GPC4: variants seen among roughly 807,000 people sequenced by gnomAD.
The protein encoded by GPC4 is glypican-4.
Under a neutral mutation model 35.0 loss-of-function variants are expected in GPC4, and 10 were observed. That is an observed-to-expected ratio of 0.29 (90% CI 0.18 to 0.48). The LOEUF (loss-of-function observed/expected upper bound fraction) is 0.48, where lower values mean the gene tolerates loss of function less well. Ranked by LOEUF, GPC4 falls within the 20% of genes least tolerant of loss-of-function variation. The pLI, the probability that GPC4 is intolerant of heterozygous loss-of-function variation, is 0.99. For synonymous variants in GPC4, 167 were observed against 170.2 expected, an observed-to-expected ratio of 0.98 and a Z score of 0.15; for missense variants, 322 against 451.3, an observed-to-expected ratio of 0.71 and a Z score of 2.60.
At chrX:133,369,674 A>G (rs2068604321) in intron 1 of GPC4, among the ~76,000 whole-genome samples, 1 of 112,071 alleles carries the variant, frequency 8.9e-6, no homozygotes, top group African/African-American at 3.2e-5. Flanking sequence ...AGGATTCTTG[A>G]AAAGTAAGTA....
intron 1 of GPC4, among the ~76,000 whole-genome samples, chrX:133,344,169 T>TTA (rs1569347199): frequency 2.0e-5 from 2 of 102,478 alleles, no homozygotes; most frequent in Non-Finnish European, 4.0e-5. Flanking sequence ...CTTTCTTTCT[T>TTA]TATTTTCTTT....
At chrX:133,414,410 G>A (rs1246215310) in intron 1 of GPC4, 8 of 706,101 alleles carry the variant, frequency 1.1e-5, no homozygotes, top group Non-Finnish European at 1.2e-5. Context: ...ACAAAGCGGG[G>A]CGTCCTATAA....
At chrX:133,393,147 C>T (rs1239031170) in intron 1 of GPC4, among the ~76,000 whole-genome samples, 1 of 112,156 alleles carries the variant, frequency 8.9e-6, no homozygotes, top group Non-Finnish European at 1.9e-5. Flanking sequence ...TTATTACGAG[C>T]TCCTCCTTTT....
chrX:133,377,426 T>C (rs12008330), intron 1 of GPC4, among the ~76,000 whole-genome samples: 1,578 of 112,130 alleles, frequency 0.014, 35 homozygotes, highest in African/African-American at 0.049. Flanking sequence ...TCCCATTACA[T>C]TGTCCTATAG....
chrX:133,324,134 G>C lies in GPC4; in HGVS notation c.711+11C>G. ...AACAAAAACAAAACAGAGAAGACAA[G>C]GAGTACTTACCACGGAGACCTTGCT... On this transcript the variant is annotated intron_variant, in intron 3 of 8. Coordinates refer to ENST00000370828, the MANE Select transcript of GPC4 (RefSeq NM_001448.3). The C allele has an allele frequency of 8.5e-7, 1 of 1,177,873 alleles. No homozygotes were observed. Among genetic ancestry groups the C allele is most frequent in the Non-Finnish European group, 1.1e-6 (1 of 880,210 alleles).
intron 3 of GPC4, among the ~76,000 whole-genome samples, chrX:133,321,494 C>A (rs987352238): frequency 8.9e-6 from 1 of 112,346 alleles, no homozygotes; most frequent in Non-Finnish European, 1.9e-5. Flanking sequence ...AAAGAAAGTA[C>A]TTTTCAAACT....
At position 133,324,550 on chromosome X, in the gene GPC4, CAAAA is replaced by C. The variant is rs57898529; in HGVS notation, c.320-18_320-15del. The C allele has an allele frequency of 8.3e-3, 6,450 of 775,206 alleles. No individual in the cohort carries two copies. Among genetic ancestry groups the C allele is most frequent in the South Asian group, 0.011 (191 of 17,345 alleles). The allele number at this position is 775,206 out of a possible 1,213,427, so 63.9% of individuals were successfully genotyped here. On this transcript the variant is annotated splice_polypyrimidine_tract_variant and intron_variant, in intron 2 of 8. Transcript: ENST00000370828. ...CTTTGAAGAATTCTGAAACCAACAC[CAAAA>C]AAAAAAAAAAAAAAAGGAAAAACGA...
intron 1 of GPC4, among the ~76,000 whole-genome samples, chrX:133,402,187 A>G (rs1052172480): frequency 2.7e-5 from 3 of 112,266 alleles, no homozygotes; most frequent in African/African-American, 9.7e-5. Context: ...TGCAGTTTGC[A>G]AGGACACAGT....
chrX:133,415,117 G>C lies in GPC4; in HGVS notation c.-152C>G. On this transcript the variant is annotated 5_prime_UTR_variant, in exon 1 of 9. Transcript: ENST00000370828. Reference sequence around the variant, plus strand: ...TGGTGGAAGAGGCGAGCAGGCGGAGGAGACGCGGGGCGAAAAGTAGAGCTG... The same window carrying C: ...TGGTGGAAGAGGCGAGCAGGCGGAGCAGACGCGGGGCGAAAAGTAGAGCTG... 1.9e-6 allele frequency: 1 copy of C among 538,973 alleles called. No homozygotes were observed. Among genetic ancestry groups the C allele is most frequent in the East Asian group, 3.7e-5 (1 of 26,907 alleles). The allele number at this position is 538,973 out of a possible 1,213,427, so 44.4% of individuals were successfully genotyped here. A position where few individuals can be genotyped will look rare whatever the true frequency, so the allele number is the denominator to read the frequency against.
chrX:133,351,620 C>G (rs1406215540), intron 1 of GPC4, among the ~76,000 whole-genome samples: 1 of 111,303 alleles, frequency 9.0e-6, no homozygotes, highest in African/African-American at 3.3e-5. Flanking sequence ...TGGGACTTAT[C>G]CTAGTGGCTT....
intron 1 of GPC4, among the ~76,000 whole-genome samples, chrX:133,403,785 T>A (rs1249364601): frequency 1.8e-5 from 2 of 108,414 alleles, no homozygotes; most frequent in Non-Finnish European, 3.8e-5. Context: ...AATCTCTGCC[T>A]CCCAAGTTCA....
chrX:133,314,850 C>G (rs2068329957), intron 3 of GPC4, among the ~76,000 whole-genome samples: 1 of 110,946 alleles, frequency 9.0e-6, no homozygotes, highest in South Asian at 3.9e-4. Flanking sequence ...AAGTCTCATC[C>G]CCCTAGAAGA....
At chrX:133,403,506 G>A (rs1358073093) in intron 1 of GPC4, among the ~76,000 whole-genome samples, 1 of 111,508 alleles carries the variant, frequency 9.0e-6, no homozygotes, top group East Asian at 2.8e-4. Context: ...TGAGGGTTAG[G>A]ATTTCAACAT....
chrX:133,343,764 T>C (rs895012756), intron 1 of GPC4, among the ~76,000 whole-genome samples: 3 of 111,809 alleles, frequency 2.7e-5, no homozygotes, highest in Non-Finnish European at 5.6e-5. Context: ...ACCAGCTCTA[T>C]GTAATTTCTC....
At chrX:133,355,748 G>T (rs2068538995) in intron 1 of GPC4, among the ~76,000 whole-genome samples, 1 of 111,369 alleles carries the variant, frequency 9.0e-6, no homozygotes, top group Non-Finnish European at 1.9e-5. Context: ...TTGTGTGGGT[G>T]GATCCCTCAT....
intron 1 of GPC4, among the ~76,000 whole-genome samples, chrX:133,393,845 CA>C (rs1452348910): frequency 1.1e-4 from 12 of 111,714 alleles, no homozygotes; most frequent in African/African-American, 3.3e-4. Flanking sequence ...GATTACAGTA[CA>C]TTAACTTAAG....
chrX:133,322,786 C>T (rs2068372621), intron 3 of GPC4, among the ~76,000 whole-genome samples: 2 of 112,348 alleles, frequency 1.8e-5, no homozygotes, highest in Non-Finnish European at 3.8e-5. Flanking sequence ...GCAGAATCTG[C>T]TGTTGTTGTG....
chrX:133,387,476 G>GAA (rs1350515852), intron 1 of GPC4, among the ~76,000 whole-genome samples: 2 of 109,457 alleles, frequency 1.8e-5, no homozygotes, highest in Non-Finnish European at 3.8e-5. Flanking sequence ...GAAAAAAGAA[G>GAA]AAAACAGAAA....
At chrX:133,383,519 T>A (rs1157426239) in intron 1 of GPC4, among the ~76,000 whole-genome samples, 1 of 110,980 alleles carries the variant, frequency 9.0e-6, no homozygotes, top group Non-Finnish European at 1.9e-5. Flanking sequence ...TATATGTTTG[T>A]CCAAGCCTAC....
Sources: gnomAD v4.1 joint callset for allele counts (sites outside exome capture counted in the v4.1 genomes callset) on GRCh38, gnomAD v4.1.1 for gene constraint, MANE v1.5 for transcripts, NCBI Gene and HGNC (gene_info 2026-07-23, HGNC 2026-07-21) for gene names.